PDE4B: variants seen among roughly 807,000 people sequenced by gnomAD.
PDE4B encodes 3',5'-cyclic-AMP phosphodiesterase 4B.
In PDE4B, 20 loss-of-function variants were observed where a neutral mutation model predicts 82.2. That is an observed-to-expected ratio of 0.24 (90% CI 0.17 to 0.35). The LOEUF (loss-of-function observed/expected upper bound fraction) is 0.35. PDE4B is among the 10% of genes least tolerant of loss of function. The probability of loss-of-function intolerance (pLI) is 1.00; values close to 1 mark genes in which losing one functional copy is unlikely to be tolerated. For synonymous variants in PDE4B, 320 were observed against 318.9 expected (o/e 1.00, Z -0.04); for missense variants, 655 against 907.2 (o/e 0.72, Z 3.57).
Position 66,073,992 on chromosome 1 carries a change from C to T in PDE4B, c.281+155157C>T, listed in dbSNP as rs77620399. Reference sequence around the variant, plus strand: ...GGGCTTTAATGTCGAGTGCAGTGTTCCTTGGGAACTTCAAGGCTGGAATCC... The same window carrying T: ...GGGCTTTAATGTCGAGTGCAGTGTTTCTTGGGAACTTCAAGGCTGGAATCC... On this transcript the variant is annotated intron_variant, in intron 3 of 16. Coordinates refer to ENST00000341517, the MANE Select transcript of PDE4B (RefSeq NM_002600.4). Among the ~76,000 whole-genome samples the T allele has an allele frequency of 5.6e-3, 851 of 152,142 alleles. 6 individuals are homozygous for T. The highest frequency in any genetic ancestry group is 0.02 in the African/African-American group (825 of 41,540).
At chr1:66,201,164 G>C (rs1570455831) in intron 3 of PDE4B, among the ~76,000 whole-genome samples, 1 of 152,320 alleles carries the variant, frequency 6.6e-6, no homozygotes, top group East Asian at 1.9e-4. Flanking sequence ...ATTTGTGCAT[G>C]TTGAGCCAGC....
intron 7 of PDE4B, among the ~76,000 whole-genome samples, chr1:66,279,452 C>T (rs1056786232): frequency 2.6e-5 from 4 of 152,064 alleles, no homozygotes; most frequent in African/African-American, 9.7e-5. Context: ...AGTGAAATCC[C>T]GACTCTACTA....
chr1:66,017,624 T>G (rs1050357675), intron 3 of PDE4B, among the ~76,000 whole-genome samples: 3 of 152,178 alleles, frequency 2.0e-5, no homozygotes, highest in African/African-American at 7.2e-5. Flanking sequence ...GTCTACAGAT[T>G]TTCTTGCTTT....
chr1:66,134,271 A>G (rs1293710108), intron 3 of PDE4B, among the ~76,000 whole-genome samples: 1 of 152,212 alleles, frequency 6.6e-6, no homozygotes, highest in African/African-American at 2.4e-5. Context: ...GAATAAACCA[A>G]AGCAATTATG....
intron 3 of PDE4B, among the ~76,000 whole-genome samples, chr1:66,234,530 C>T (rs1652248121): frequency 6.6e-6 from 1 of 152,204 alleles, no homozygotes; most frequent in Non-Finnish European, 1.5e-5. Context: ...CTCAGGTGAT[C>T]CGCCTGGCTC....
Position 66,149,956 on chromosome 1 carries a change from A to G in PDE4B, c.282-97504A>G, listed in dbSNP as rs543758199. 1.1e-4 allele frequency among the ~76,000 whole-genome samples: 16 copies of G among 152,340 alleles called. No individual in the cohort carries two copies. The South Asian group carries it at 3.3e-3, about 32-fold the overall frequency. ...TGTTGTAAGGTAGGAGTCCAACTGC[A>G]TTCTTTGTTATGTGGGTAGCCAGTT... On this transcript the variant is annotated intron_variant, in intron 3 of 16. Transcript: ENST00000341517.
intron 3 of PDE4B, among the ~76,000 whole-genome samples, chr1:66,199,803 T>C (rs1648712960): frequency 6.6e-6 from 1 of 151,760 alleles, no homozygotes; most frequent in South Asian, 2.1e-4. Context: ...TGCAGCAACA[T>C]AGGTTGATGG....
At chr1:66,021,070 T>C (rs1653078061) in intron 3 of PDE4B, among the ~76,000 whole-genome samples, 1 of 152,254 alleles carries the variant, frequency 6.6e-6, no homozygotes. Flanking sequence ...TGGCCAGTGA[T>C]GTTGAGCATT....
intron 1 of PDE4B, among the ~76,000 whole-genome samples, chr1:65,908,683 GA>G (rs1185264777): frequency 6.6e-6 from 1 of 152,036 alleles, no homozygotes; most frequent in East Asian, 1.9e-4. Context: ...CGGGCAAGGG[GA>G]CCTTACCAAC....
At chr1:66,302,974 G>T (rs1017216656) in intron 7 of PDE4B, among the ~76,000 whole-genome samples, 1 of 152,108 alleles carries the variant, frequency 6.6e-6, no homozygotes, top group Admixed American at 6.6e-5. Context: ...CTTGCTAGAT[G>T]CCCATCCTAT....
chr1:66,098,766 A>G (rs886925166), intron 3 of PDE4B, among the ~76,000 whole-genome samples: 3 of 152,146 alleles, frequency 2.0e-5, no homozygotes, highest in Admixed American at 6.6e-5. Flanking sequence ...TAGAGCATTA[A>G]AAAGCAACTT....
At chr1:66,241,974 C>A (rs2101660005) in intron 3 of PDE4B, among the ~76,000 whole-genome samples, 1 of 152,234 alleles carries the variant, frequency 6.6e-6, no homozygotes, top group African/African-American at 2.4e-5. Context: ...TTGTTATGTG[C>A]CTTTTGGTGT....
chr1:66,349,976 C>T (rs1167762861), intron 8 of PDE4B, among the ~76,000 whole-genome samples: 1 of 152,024 alleles, frequency 6.6e-6, no homozygotes, highest in Admixed American at 6.5e-5. Flanking sequence ...ATTCAGCTTA[C>T]CCAAGATTAC....
At chr1:66,166,278 G>A (rs1646729483) in intron 3 of PDE4B, among the ~76,000 whole-genome samples, 1 of 152,094 alleles carries the variant, frequency 6.6e-6, no homozygotes, top group Admixed American at 6.5e-5. Flanking sequence ...AGAGCTAAAA[G>A]CATAACAATC....
At chr1:65,987,309 A>T (rs919818960) in intron 3 of PDE4B, among the ~76,000 whole-genome samples, 2 of 152,222 alleles carry the variant, frequency 1.3e-5, no homozygotes, top group African/African-American at 4.8e-5. Flanking sequence ...TTTCCTAAAG[A>T]TGAGTAATTA....
chr1:65,885,612 C>CA (rs540146666), intron 1 of PDE4B, among the ~76,000 whole-genome samples: 4 of 151,512 alleles, frequency 2.6e-5, no homozygotes, highest in Non-Finnish European at 5.9e-5. Context: ...ATCACAAGAA[C>CA]AAAAAACCAA....
intron 3 of PDE4B, among the ~76,000 whole-genome samples, chr1:66,011,544 C>A (rs1205211995): frequency 6.6e-6 from 1 of 151,918 alleles, no homozygotes; most frequent in Admixed American, 6.6e-5. Context: ...ATTTGTAGGG[C>A]ATTATGTAGA....
At chr1:66,011,478 G>A (rs1328879403) in intron 3 of PDE4B, among the ~76,000 whole-genome samples, 6 of 152,074 alleles carry the variant, frequency 3.9e-5, no homozygotes. Flanking sequence ...AGCAAGGCTA[G>A]TGAAACAAGA....
intron 4 of PDE4B, among the ~76,000 whole-genome samples, chr1:66,252,599 G>T (rs1026292542): frequency 1.3e-5 from 2 of 152,188 alleles, no homozygotes; most frequent in Admixed American, 6.5e-5. Context: ...GGTTGTATGG[G>T]TACTCAAAGT....
Sources: allele counts gnomAD v4.1 joint callset (sites outside exome capture counted in the v4.1 genomes callset), GRCh38; gene constraint gnomAD v4.1.1; transcripts MANE v1.5; gene names NCBI Gene and HGNC (gene_info 2026-07-23, HGNC 2026-07-21).